The following POLE variants were observed in gnomAD, a reference collection of about 807,000 sequenced individuals.
POLE encodes DNA polymerase epsilon, catalytic subunit.
POLE carries 188 observed loss-of-function variants against 279.2 expected under a neutral mutation model. The observed-to-expected ratio is 0.67, with a 90% CI of 0.60 to 0.76. POLE has a LOEUF of 0.76. Ranked by LOEUF, POLE falls within the 30% of genes least tolerant of loss-of-function variation. POLE has a pLI of 0.00. For missense variants in POLE, 2,703 were observed against 3,016.7 expected (o/e 0.90, Z 2.44); for synonymous variants, 1,214 against 1,172.5 (o/e 1.04, Z -0.72).
At position 132,641,147 on chromosome 12, in the gene POLE, C is replaced by T. The variant is rs141790113; in HGVS notation, c.5378+500G>A. Reference sequence around the variant, plus strand: ...GGACAGAGGCAGAATGCGAAGTGCTCGGCCCACCTCCTGGTACACAGCAAG... The same window carrying T: ...GGACAGAGGCAGAATGCGAAGTGCTTGGCCCACCTCCTGGTACACAGCAAG... On this transcript the variant is annotated intron_variant, in intron 39 of 48. Transcript: ENST00000320574. 1.1e-3 allele frequency: 490 copies of T among 443,556 alleles called. 9 individuals are homozygous for T. The East Asian group carries it at 0.031, about 28-fold the overall frequency. The allele number at this position is 443,556 out of a possible 1,614,324, so 27.5% of individuals were successfully genotyped here.
chr12:132,664,166 A>G lies in POLE; in HGVS notation c.2562-18T>C, dbSNP rs2135957297. 6.2e-7 allele frequency: 1 copy of G among 1,613,108 alleles called. No individual in the cohort carries two copies. Among genetic ancestry groups the G allele is most frequent in the Non-Finnish European group, 8.5e-7 (1 of 1,179,782 alleles). ...AGGGCCTCCTTCAGAGAAAGAGAGGAGCAAGGTCGTGAGTTCCCCTTTCCT... is the reference window on the plus strand; with the variant it reads ...AGGGCCTCCTTCAGAGAAAGAGAGGGGCAAGGTCGTGAGTTCCCCTTTCCT... On this transcript the variant is annotated intron_variant, in intron 22 of 48. Transcript: ENST00000320574. The surrounding 1 kb of genome is among the most constrained non-coding windows in gnomAD (Gnocchi z 5.3).
chr12:132,628,134 G>A (rs1488980421), intron 45 of POLE, among the ~76,000 whole-genome samples: 1 of 150,306 alleles, frequency 6.7e-6, no homozygotes, highest in Non-Finnish European at 1.5e-5. Flanking sequence ...ACAAGGTCAG[G>A]AGATCGAGAC....
rs1593078482 is a variant in POLE at position 132,676,168 on chromosome 12, C to G, written c.946G>C (p.Asp316His). Residue 316 changes from aspartate to histidine, a missense_variant, in exon 10 of 49, where the codon GAT becomes CAT. Physicochemically the swap from Asp to His is moderately conservative, Grantham distance 81 (BLOSUM62 -1). Coordinates refer to ENST00000320574, the MANE Select transcript of POLE (RefSeq NM_006231.4). ...LITNREIVSE[D>H]IEDFEFTPKP... ...GGGGTGAACTCAAAATCTTCAATAT[C>G]TTCTGAAACAATCTCCCTGTTGGTG... 6.2e-7 allele frequency: 1 copy of G among 1,613,466 alleles called. No homozygotes were observed.
rs777546371 is a variant in POLE at position 132,649,321 on chromosome 12, C to A, written c.3990G>T (p.Pro1330=). Reference sequence around the variant, plus strand: ...AGGTCTATACCTGCACAATCTGCCACGGAAGGTCCAGGATGCTGCGGGCAG... The same window carrying A: ...AGGTCTATACCTGCACAATCTGCCAAGGAAGGTCCAGGATGCTGCGGGCAG... ...RRTARSILDL[P]WQIVQISETS... is the part of the protein sequence containing the mutation. Residue 1330 remains proline, a synonymous_variant, in exon 31 of 49, where the codon CCG becomes CCT. Transcript: ENST00000320574. 1 of 1,613,652 alleles carries A rather than the reference C, an allele frequency of 6.2e-7. No individual in the cohort carries two copies.
At chr12:132,625,513 G>T in intron 47 of POLE, 132 bp downstream of exon 47, 1 of 1,124,608 alleles carries the variant, frequency 8.9e-7, no homozygotes, top group Non-Finnish European at 1.3e-6. Context: ...GGCATGGACT[G>T]GTCTGCAGGG....
rs748584449 is a variant in POLE at position 132,668,835 on chromosome 12, G to A, written c.1899C>T (p.Asn633=). Residue 633 remains asparagine, a synonymous_variant, in exon 17 of 49, where the codon AAC becomes AAT. Coordinates refer to ENST00000320574, the MANE Select transcript of POLE (RefSeq NM_006231.4). The surrounding 1 kb of genome is among the most constrained non-coding windows in gnomAD (Gnocchi z 4.0). ...YHLDVGAMYP[N]IILTNRLQPS... ...CCTGCAGGCGGTTGGTCAGGATGAT[G>A]TTGGGGTACATGGCCCCCACGTCCA... 3.1e-5 allele frequency: 50 copies of A among 1,614,162 alleles called. No individual in the cohort carries two copies. The highest frequency in any genetic ancestry group is 4.2e-5 in the Non-Finnish European group (49 of 1,180,004).
intron 12 of POLE, among the ~76,000 whole-genome samples, chr12:132,674,813 TC>T (rs1294228884): frequency 6.6e-6 from 1 of 150,838 alleles, no homozygotes; most frequent in Non-Finnish European, 1.5e-5. Flanking sequence ...GCCCCTCCAT[TC>T]CCTTCCTTCC....
Position 132,643,520 on chromosome 12 carries a change from A to G in POLE, c.4331T>C (p.Val1444Ala), listed in dbSNP as rs767189495. ...LFRALVHLGC[V>A]CVVNKQLVRH... ...CACCAGCTGTTTATTGACCACACAC[A>G]CACAGCCCAGGTGCACCAGGGCCCG... Residue 1444 changes from valine (V) to alanine (A), a missense_variant, in exon 34 of 49, where the codon GTG becomes GCG. Val to Ala is a moderately conservative substitution (Grantham distance 64, BLOSUM62 0). Around this residue, in one of 5 missense-constraint regions of POLE, gnomAD observed 1,551 missense variants for 1,686.1 expected, o/e 0.92. Transcript: ENST00000320574. 5.6e-6 allele frequency: 9 copies of G among 1,614,156 alleles called. No homozygotes were observed. The highest frequency in any genetic ancestry group is 5.9e-6 in the Non-Finnish European group (7 of 1,180,022).
At position 132,676,497 on chromosome 12, in the gene POLE, G is replaced by A. The variant is rs779603796; in HGVS notation, c.909+49C>T. On this transcript the variant is annotated intron_variant, in intron 9 of 48. Transcript: ENST00000320574. ...AGATGCTGCTGTAGTATGGGGACCAGACAAGGTCCCCATCCCAGGAGCTTA... is the reference window on the plus strand; with the variant it reads ...AGATGCTGCTGTAGTATGGGGACCAAACAAGGTCCCCATCCCAGGAGCTTA... 8 of 1,141,064 alleles carry A rather than the reference G, an allele frequency of 7.0e-6. No homozygotes were observed. The Admixed American group carries it at 1.4e-4, about 19-fold the overall frequency. 70.7% of individuals were successfully genotyped at this position (1,141,064 alleles called of 1,614,324 possible).
At chr12:132,638,211 C>G (rs1015514172) in intron 40 of POLE, 72 bp from the exon 41 acceptor site, 1 of 1,484,272 alleles carries the variant, frequency 6.7e-7, no homozygotes, top group Non-Finnish European at 9.2e-7. Flanking sequence ...CCAGAAAATC[C>G]AAGAGGGAAA....
chr12:132,640,970 GC>G (rs1483686205), intron 39 of POLE: 3 of 456,570 alleles, frequency 6.6e-6, no homozygotes, highest in Non-Finnish European at 1.3e-5. Flanking sequence ...TAAAACTACA[GC>G]TGAGTACAGG....
chr12:132,649,584 C>T, intron 30 of POLE, 69 bp from the exon 31 acceptor site: 1 of 1,597,274 alleles, frequency 6.3e-7, no homozygotes, highest in Non-Finnish European at 8.6e-7. Flanking sequence ...GACTTTCTCA[C>T]AAGCAGCCTC....
chr12:132,647,243 G>A (rs1364163502), intron 32 of POLE, among the ~76,000 whole-genome samples: 1 of 151,960 alleles, frequency 6.6e-6, no homozygotes, highest in Non-Finnish European at 1.5e-5. Context: ...AGGCTGCAGT[G>A]AGGCAAGATC....
chr12:132,657,184 G>A lies in POLE; in HGVS notation c.3534C>T (p.Tyr1178=), dbSNP rs370133842. 5.6e-6 allele frequency: 9 copies of A among 1,613,874 alleles called. No homozygotes were observed. In the African/African-American group the frequency reaches 9.4e-5, roughly 17 times the overall value. The change falls in exon 29 of 49, where the codon TAC becomes TAT. Residue 1178 remains tyrosine, a synonymous_variant. Transcript: ENST00000320574. ...AGAGCTCACTGATCTTCTTCTGCTT[G>A]TAGACATCATTCTTCTCCAGCAGTT... is the stretch of plus-strand genomic sequence containing the variant. The part of the protein sequence containing the change: ...HKKLLEKNDV[Y]KQKKISELFT...
At chr12:132,656,141 A>G (rs1292660747) in intron 29 of POLE, among the ~76,000 whole-genome samples, 2 of 152,312 alleles carry the variant, frequency 1.3e-5, no homozygotes, top group East Asian at 3.9e-4. Context: ...GTGTGCCTAT[A>G]ATCCCAGCTA....
intron 20 of POLE, among the ~76,000 whole-genome samples, chr12:132,666,983 GA>G (rs1046453062): frequency 6.6e-6 from 1 of 151,938 alleles, no homozygotes; most frequent in Non-Finnish European, 1.5e-5. Context: ...AGGTCTCTCA[GA>G]AAAAAAATGG....
intron 9 of POLE, 171 bp from the exon 10 acceptor site, chr12:132,676,375 C>T: frequency 1.4e-6 from 1 of 709,454 alleles, no homozygotes; most frequent in East Asian, 2.7e-5. Context: ...TGGATTCCCA[C>T]TCGAAAGGGG....
chr12:132,658,285 C>T lies in POLE; in HGVS notation c.3276-315G>A, dbSNP rs5744881. On this transcript the variant is annotated intron_variant, in intron 26 of 48. Transcript: ENST00000320574. ...GTCTGCGTTTCTCATTGAGTAACCA[C>T]GTGCATGCGTACAGGCAAACACGTG... The T allele has an allele frequency of 5.3e-3, 1,492 of 282,856 alleles. 18 individuals carry two copies. The highest frequency in any genetic ancestry group is 0.031 in the African/African-American group (1,405 of 45,144). 17.5% of individuals were successfully genotyped at this position (282,856 alleles called of 1,614,324 possible). A position where few individuals can be genotyped will look rare whatever the true frequency, so the allele number is the denominator to read the frequency against.
rs940000014 is a variant in POLE at position 132,626,413 on chromosome 12, C to T, written c.6331-96G>A. The stretch of plus-strand genomic sequence containing the variant: ...CCTCTGGACCTTAGGCTACAGTTTC[C>T]TGGTGTCCTTTCCTCCCTTCCTTAG... On this transcript the variant is annotated intron_variant, in intron 45 of 48. Transcript: ENST00000320574. 4.2e-6 allele frequency: 5 copies of T among 1,191,336 alleles called. No homozygotes were observed. The African/African-American group carries it at 6.0e-5, about 14-fold the overall frequency. 73.8% of individuals were successfully genotyped at this position (1,191,336 alleles called of 1,614,324 possible).
Sources: gnomAD v4.1 joint callset for allele counts (sites outside exome capture counted in the v4.1 genomes callset) on GRCh38, gnomAD v4.1.1 for gene constraint, gnomAD v4.1.1 regional missense constraint, Gnocchi (gnomAD v3.1) non-coding constraint, MANE v1.5 for transcripts, NCBI Gene and HGNC (gene_info 2026-07-23, HGNC 2026-07-21) for gene names.